Variants in MACROD2 observed in about 807,000 individuals in gnomAD.
MACROD2 encodes the protein mono-ADP ribosylhydrolase 2.
In MACROD2, 36 loss-of-function variants were observed where a neutral mutation model predicts 70.4. The ratio of observed to expected loss-of-function variants is 0.51; its 90% confidence interval spans 0.39 to 0.68. The LOEUF is 0.68. MACROD2 is among the 30% of genes least tolerant of loss of function. The pLI is 0.00. For synonymous variants in MACROD2, 172 were observed against 178.8 expected, an observed-to-expected ratio of 0.96 and a Z score of 0.30; for missense variants, 496 against 538.4, an observed-to-expected ratio of 0.92 and a Z score of 0.78.
At chr20:14,166,400 T>A (rs2055270980) in intron 3 of MACROD2, among the ~76,000 whole-genome samples, 1 of 152,086 alleles carries the variant, frequency 6.6e-6, no homozygotes, top group Non-Finnish European at 1.5e-5. Context: ...AAAAGTGGGT[T>A]CTCAAATTTT....
At chr20:15,142,066 T>C (rs1329115405) in intron 5 of MACROD2, among the ~76,000 whole-genome samples, 2 of 152,208 alleles carry the variant, frequency 1.3e-5, no homozygotes, top group African/African-American at 2.4e-5. Flanking sequence ...CATTTGAGCA[T>C]AACCCTATCA....
intron 8 of MACROD2, among the ~76,000 whole-genome samples, chr20:15,588,272 T>A (rs904030376): frequency 1.3e-5 from 2 of 152,042 alleles, no homozygotes; most frequent in Non-Finnish European, 2.9e-5. Flanking sequence ...GGGCACCAAA[T>A]CCCTAGACTG....
intron 8 of MACROD2, among the ~76,000 whole-genome samples, chr20:15,692,629 A>G (rs1421133317): frequency 2.0e-5 from 3 of 152,154 alleles, no homozygotes; most frequent in African/African-American, 7.2e-5. Context: ...GGGCAGGGGT[A>G]GGGTGGTGGG....
chr20:15,022,386 C>T (rs2075194775), intron 5 of MACROD2, among the ~76,000 whole-genome samples: 1 of 151,980 alleles, frequency 6.6e-6, no homozygotes, highest in Admixed American at 6.6e-5. Context: ...TTCATTGTTC[C>T]CAGTAATATT....
At chr20:15,112,067 T>C (rs2075959632) in intron 5 of MACROD2, among the ~76,000 whole-genome samples, 1 of 152,206 alleles carries the variant, frequency 6.6e-6, no homozygotes, top group Admixed American at 6.5e-5. Context: ...ACCCCTCTAT[T>C]GTTCTCTGGG....
chr20:15,954,603 G>A (rs2065950686), intron 12 of MACROD2, among the ~76,000 whole-genome samples: 12 of 152,194 alleles, frequency 7.9e-5, no homozygotes, highest in Admixed American at 6.5e-4. Context: ...GCCTACAGAG[G>A]TACCAATTAA....
chr20:14,179,934 A>G (rs552409759), intron 3 of MACROD2, among the ~76,000 whole-genome samples: 4 of 152,310 alleles, frequency 2.6e-5, no homozygotes, highest in South Asian at 2.1e-4. Flanking sequence ...TAAATAAGAT[A>G]TAATTTTCCA....
intron 5 of MACROD2, among the ~76,000 whole-genome samples, chr20:14,688,079 T>A (rs1456428094): frequency 2.0e-5 from 3 of 152,204 alleles, no homozygotes; most frequent in Non-Finnish European, 4.4e-5. Flanking sequence ...GCTTTTGTAG[T>A]GAGAATGAAA....
chr20:15,998,606 C>T (rs1266173225), intron 15 of MACROD2, among the ~76,000 whole-genome samples: 2 of 148,704 alleles, frequency 1.3e-5, no homozygotes, highest in East Asian at 2.0e-4. Context: ...GCTCTGTCCC[C>T]CAGGCTGGAG....
intron 10 of MACROD2, among the ~76,000 whole-genome samples, chr20:15,897,911 A>G (rs572036776): frequency 2.0e-5 from 3 of 152,022 alleles, no homozygotes; most frequent in African/African-American, 2.4e-5. Context: ...ATTTTTACTT[A>G]TGGAAGCTTT....
At chr20:15,595,340 CA>C (rs2048732447) in intron 8 of MACROD2, among the ~76,000 whole-genome samples, 1 of 151,994 alleles carries the variant, frequency 6.6e-6, no homozygotes, top group African/African-American at 2.4e-5. Context: ...AATCCTCATA[CA>C]AAAAATTTAT....
intron 7 of MACROD2, among the ~76,000 whole-genome samples, chr20:15,469,349 G>C (rs1024020504): frequency 3.3e-5 from 5 of 152,178 alleles, no homozygotes; most frequent in Non-Finnish European, 7.4e-5. Flanking sequence ...GCACAGGTGA[G>C]GGCATGGAAA....
At chr20:15,171,619 T>TTC (rs140704505) in intron 5 of MACROD2, among the ~76,000 whole-genome samples, 13 of 151,696 alleles carry the variant, frequency 8.6e-5, no homozygotes, top group East Asian at 1.9e-4. Context: ...TCAGTCTCTC[T>TTC]TCTCTCTCTC....
chr20:15,422,444 C>T (rs985988809), intron 6 of MACROD2, among the ~76,000 whole-genome samples: 2 of 152,008 alleles, frequency 1.3e-5, no homozygotes, highest in African/African-American at 2.4e-5. Flanking sequence ...ACTCTTTATA[C>T]GAGATAAAGA....
At chr20:14,035,197 T>C (rs1208867512) in intron 2 of MACROD2, among the ~76,000 whole-genome samples, 2 of 152,224 alleles carry the variant, frequency 1.3e-5, no homozygotes, top group African/African-American at 4.8e-5. Context: ...ACTTGCTATT[T>C]CTCTTTCTTT....
intron 6 of MACROD2, among the ~76,000 whole-genome samples, chr20:15,236,263 A>C (rs776210109): frequency 3.3e-5 from 5 of 152,204 alleles, no homozygotes; most frequent in Non-Finnish European, 7.3e-5. Context: ...GGTTATTGTT[A>C]CTGGGAGTGA....
intron 2 of MACROD2, among the ~76,000 whole-genome samples, chr20:14,070,765 C>T (rs1332965278): frequency 2.6e-5 from 4 of 152,114 alleles, no homozygotes; most frequent in African/African-American, 9.7e-5. Flanking sequence ...TTCTCTGAAT[C>T]CTGTCTATGG....
At chr20:14,990,778 C>G (rs761358158) in intron 5 of MACROD2, among the ~76,000 whole-genome samples, 6 of 152,092 alleles carry the variant, frequency 3.9e-5, no homozygotes, top group Non-Finnish European at 8.8e-5. Flanking sequence ...TCCCAAAGTG[C>G]TGGGATTACA....
At chr20:14,642,333 C>A (rs927097812) in intron 4 of MACROD2, among the ~76,000 whole-genome samples, 2 of 152,100 alleles carry the variant, frequency 1.3e-5, no homozygotes, top group Non-Finnish European at 2.9e-5. Context: ...ACACTTTCTC[C>A]GTATCAGCAG....
Sources: allele counts gnomAD v4.1 joint callset (sites outside exome capture counted in the v4.1 genomes callset), GRCh38; gene constraint gnomAD v4.1.1; transcripts MANE v1.5; gene names NCBI Gene and HGNC (gene_info 2026-07-23, HGNC 2026-07-21).